Variants in ICA1 observed in about 807,000 individuals in gnomAD.
The protein encoded by ICA1 is islet cell autoantigen 1, also known as 69 kDa islet cell autoantigen.
ICA1 carries 40 observed loss-of-function variants against 71.0 expected under a neutral mutation model. That is an observed-to-expected ratio of 0.56 (90% CI 0.44 to 0.73). The LOEUF is 0.73. Among genes scored for constraint, ICA1 ranks in the 30% least tolerant of loss-of-function variants. The pLI is 0.00. For synonymous variants in ICA1, 207 were observed against 209.5 expected (o/e 0.99, Z 0.10); for missense variants, 578 against 576.5 (o/e 1.00, Z -0.03).
chr7:8,170,891 T>A (rs62433171), intron 6 of ICA1, among the ~76,000 whole-genome samples: 25,108 of 151,894 alleles, frequency 0.17, 2,530 homozygotes, highest in East Asian at 0.36. Context: ...TTTATTTTGT[T>A]CCTGATCTTA....
chr7:8,163,462 G>A (rs1167023185), intron 6 of ICA1, among the ~76,000 whole-genome samples: 1 of 152,152 alleles, frequency 6.6e-6, no homozygotes, highest in African/African-American at 2.4e-5. Flanking sequence ...TACTTATTGA[G>A]TATCTTCTAT....
chr7:8,173,248 G>A lies in ICA1; in HGVS notation c.580-14596C>T, dbSNP rs562759805. ...TACATAAGATGATTCTGAAATATTC[G>A]GTTGTACCAGAAAGCAAAGAAGGCT... On this transcript the variant is annotated intron_variant, in intron 6 of 13. Coordinates refer to ENST00000402384, the MANE Select transcript of ICA1 (RefSeq NM_001136020.3). The surrounding 1 kb of genome is among the most constrained non-coding windows in gnomAD (Gnocchi z 4.0). 1.3e-5 allele frequency among the ~76,000 whole-genome samples: 2 copies of A among 152,186 alleles called. No individual in the cohort carries two copies. Among genetic ancestry groups the A allele is most frequent in the Middle Eastern group, 3.4e-3 (1 of 294 alleles).
At chr7:8,147,121 G>C (rs1313473845) in intron 8 of ICA1, among the ~76,000 whole-genome samples, 1 of 152,042 alleles carries the variant, frequency 6.6e-6, no homozygotes, top group Non-Finnish European at 1.5e-5. Context: ...TCTGCTCTCA[G>C]CCGGCCCTGT....
Position 8,191,959 on chromosome 7 carries a change from C to T in ICA1, c.579+26346G>A, listed in dbSNP as rs114004865. 4.7e-3 allele frequency among the ~76,000 whole-genome samples: 720 copies of T among 152,078 alleles called. 3 individuals carry two copies. The highest frequency in any genetic ancestry group is 0.017 in the African/African-American group (699 of 41,494). On this transcript the variant is annotated intron_variant, in intron 6 of 13. Transcript: ENST00000402384. The stretch of plus-strand genomic sequence containing the variant: ...CCAGATTCCCAAAATGTTAATTCAC[C>T]CAAACATTACTACATTTGTTTCATT...
At chr7:8,241,016 C>T (rs532827906) in intron 1 of ICA1, among the ~76,000 whole-genome samples, 6 of 152,176 alleles carry the variant, frequency 3.9e-5, no homozygotes, top group Admixed American at 1.3e-4. Flanking sequence ...GGAGAATTTC[C>T]CCAACCTAGC....
intron 6 of ICA1, among the ~76,000 whole-genome samples, chr7:8,176,860 A>C (rs932679921): frequency 3.3e-5 from 5 of 152,198 alleles, no homozygotes; most frequent in African/African-American, 9.7e-5. Flanking sequence ...TCTATTTCAC[A>C]AAGAAGGAAA....
rs1238979507 is a variant in ICA1 at position 8,132,569 on chromosome 7, C to T, written c.1061-4427G>A. ...TGAGGCTCTTTTCCCAGGCCTTTAC[C>T]TGTACAGCATCATTTGTACCACTGC... On this transcript the variant is annotated intron_variant, in intron 12 of 13. Coordinates refer to ENST00000402384, the MANE Select transcript of ICA1 (RefSeq NM_001136020.3). The surrounding 1 kb of genome is among the most constrained non-coding windows in gnomAD (Gnocchi z 4.5). Among the ~76,000 whole-genome samples the T allele has an allele frequency of 6.6e-6, 1 of 152,168 alleles. No individual in the cohort carries two copies. The highest frequency in any genetic ancestry group is 2.4e-5 in the African/African-American group (1 of 41,428).
At chr7:8,256,913 T>G (rs776491497) in intron 1 of ICA1, among the ~76,000 whole-genome samples, 5 of 152,218 alleles carry the variant, frequency 3.3e-5, no homozygotes, top group Non-Finnish European at 5.9e-5. Flanking sequence ...CGCCACACAT[T>G]ATGAAGGGGA....
chr7:8,191,612 G>T (rs1005970504), intron 6 of ICA1, among the ~76,000 whole-genome samples: 1 of 152,058 alleles, frequency 6.6e-6, no homozygotes, highest in Non-Finnish European at 1.5e-5. Flanking sequence ...TTCCGATTAG[G>T]ATATTTTCAA....
intron 2 of ICA1, 91 bp downstream of exon 2, chr7:8,235,819 A>G: frequency 7.6e-7 from 1 of 1,317,990 alleles, no homozygotes; most frequent in Non-Finnish European, 1.1e-6. Flanking sequence ...CTGCCAATGT[A>G]TCTCTTGTTT....
intron 10 of ICA1, among the ~76,000 whole-genome samples, chr7:8,139,876 C>T (rs2128118997): frequency 6.6e-6 from 1 of 152,158 alleles, no homozygotes; most frequent in African/African-American, 2.4e-5. Flanking sequence ...ATAGAACAGC[C>T]TTAAAACTTG....
intron 6 of ICA1, among the ~76,000 whole-genome samples, chr7:8,161,793 C>T (rs1382423954): frequency 1.3e-5 from 2 of 152,132 alleles, no homozygotes; most frequent in Admixed American, 6.5e-5. Context: ...ACAAGTGAGC[C>T]CACAAAGACG....
chr7:8,118,423 G>A (rs922645715), intron 13 of ICA1, among the ~76,000 whole-genome samples: 2 of 152,212 alleles, frequency 1.3e-5, no homozygotes, highest in African/African-American at 4.8e-5. Context: ...TGTGGTGAAG[G>A]CTGCACAATA....
intron 1 of ICA1, among the ~76,000 whole-genome samples, chr7:8,253,027 A>C (rs1470992406): frequency 6.6e-6 from 1 of 152,074 alleles, no homozygotes; most frequent in African/African-American, 2.4e-5. Context: ...ATTTCTTTTT[A>C]GTTTTTAAGC....
In ICA1 at chr7:8,234,863, G is replaced by A. The variant is rs762716490; in HGVS notation, c.17+1047C>T. On this transcript the variant is annotated intron_variant, in intron 2 of 13. Transcript: ENST00000402384. This position sits in a 1 kb window ranked among gnomAD's most constrained non-coding sequence, Gnocchi z 4.5. The stretch of plus-strand genomic sequence containing the variant: ...TAGGGGAATGGCATTCTCAAGAGTG[G>A]GCCATAGAATGGATTTCTTTGGCCG... 6.6e-6 allele frequency among the ~76,000 whole-genome samples: 1 copy of A among 152,062 alleles called. No homozygotes were observed. The highest frequency in any genetic ancestry group is 2.4e-5 in the African/African-American group (1 of 41,400).
At chr7:8,140,839 G>A (rs1003113376) in intron 10 of ICA1, among the ~76,000 whole-genome samples, 1 of 152,172 alleles carries the variant, frequency 6.6e-6, no homozygotes, top group Non-Finnish European at 1.5e-5. Context: ...GCAAGTGGGT[G>A]GAAAGGTAAA....
intron 13 of ICA1, among the ~76,000 whole-genome samples, chr7:8,118,213 T>C (rs1246367635): frequency 1.3e-5 from 2 of 152,190 alleles, no homozygotes; most frequent in African/African-American, 4.8e-5. Context: ...AACTTATTTA[T>C]CAAGACTAAC....
intron 6 of ICA1, among the ~76,000 whole-genome samples, chr7:8,208,613 T>C (rs770446952): frequency 1.1e-4 from 16 of 152,180 alleles, no homozygotes; most frequent in Admixed American, 2.0e-4. Flanking sequence ...AAGAAGAAAG[T>C]AATCTAGAAG....
intron 10 of ICA1, 84 bp downstream of exon 10, chr7:8,141,681 G>A: frequency 1.3e-6 from 1 of 797,228 alleles, no homozygotes; most frequent in South Asian, 1.6e-5. Flanking sequence ...GGCCTAGGAG[G>A]AGTTTGTCAA....
Sources: allele counts gnomAD v4.1 joint callset (sites outside exome capture counted in the v4.1 genomes callset), GRCh38; gene constraint gnomAD v4.1.1; non-coding constraint Gnocchi (gnomAD v3.1); transcripts MANE v1.5; gene names NCBI Gene and HGNC (gene_info 2026-07-23, HGNC 2026-07-21).